ABCC8: variants seen among roughly 807,000 people sequenced by gnomAD.
ABCC8 encodes the protein ATP binding cassette subfamily C member 8.
Under a neutral mutation model 188.0 loss-of-function variants are expected in ABCC8, and 137 were observed. That is an observed-to-expected ratio of 0.73 (90% CI 0.63 to 0.84). The LOEUF (loss-of-function observed/expected upper bound fraction) is 0.84. Ranked by LOEUF, ABCC8 falls within the 40% of genes least tolerant of loss-of-function variation. The pLI is 0.00. For missense variants in ABCC8, 1,750 were observed against 2,072.7 expected (o/e 0.84, Z 3.02); for synonymous variants, 797 against 846.5 (o/e 0.94, Z 1.01).
In ABCC8 at chr11:17,448,767, G is replaced by C. The variant is rs1372455211; in HGVS notation, c.1177-96C>G. The C allele has an allele frequency of 3.1e-6, 5 of 1,603,538 alleles. No homozygotes were observed. The South Asian group carries it at 5.5e-5, about 18-fold the overall frequency. ...GTTACAGTGTGCCAGGGGCTTCTCAGACAGTCCCCATGGTGCCCTAGAGCA... is the reference window on the plus strand; with the variant it reads ...GTTACAGTGTGCCAGGGGCTTCTCACACAGTCCCCATGGTGCCCTAGAGCA... On this transcript the variant is annotated intron_variant, in intron 7 of 38. Coordinates refer to ENST00000389817, the MANE Select transcript of ABCC8 (RefSeq NM_000352.6).
chr11:17,467,042 C>CCACA (rs569546580), intron 3 of ABCC8, among the ~76,000 whole-genome samples: 23,214 of 132,170 alleles, frequency 0.18, 2,185 homozygotes, highest in South Asian at 0.24. Flanking sequence ...ACATGTTAAA[C>CCACA]CACACACACA....
Position 17,392,888 on chromosome 11 carries a change from G to T in ABCC8, c.*103C>A. 2 of 1,419,670 alleles carry T rather than the reference G, an allele frequency of 1.4e-6. No individual in the cohort carries two copies. The highest frequency in any genetic ancestry group is 2.0e-6 in the Non-Finnish European group (2 of 1,015,000). The allele number at this position is 1,419,670 out of a possible 1,614,324, so 87.9% of individuals were successfully genotyped here. On this transcript the variant is annotated 3_prime_UTR_variant, in exon 39 of 39. Coordinates refer to ENST00000389817, the MANE Select transcript of ABCC8 (RefSeq NM_000352.6). ...CCACCAGACTTAGGGCCTCTAGTAG[G>T]AAATAATCAAATCTATTTATTTACA...
At chr11:17,455,547 C>G (rs563338345) in intron 6 of ABCC8, among the ~76,000 whole-genome samples, 7 of 152,258 alleles carry the variant, frequency 4.6e-5, no homozygotes, top group Admixed American at 4.6e-4. Context: ...AAATAAAAAT[C>G]TCACTGCAGC....
In ABCC8 at chr11:17,460,680, C is replaced by T. The variant is rs1296100846; in HGVS notation, c.823-4G>A. ...GAGTGCCCTGAATGTCCTTCCGCTG[C>T]CCAGAGAGACCATGGCCAGGTCAGA... On this transcript the variant is annotated splice_region_variant and splice_polypyrimidine_tract_variant and intron_variant, in intron 5 of 38. Transcript: ENST00000389817. The T allele has an allele frequency of 1.2e-6, 2 of 1,606,688 alleles. No homozygotes were observed. The highest frequency in any genetic ancestry group is 1.7e-6 in the Non-Finnish European group (2 of 1,179,984).
intron 22 of ABCC8, among the ~76,000 whole-genome samples, chr11:17,410,087 A>G (rs1371298759): frequency 6.6e-6 from 1 of 152,042 alleles, no homozygotes; most frequent in Non-Finnish European, 1.5e-5. Flanking sequence ...GTTTGGTTCC[A>G]TATTTCCCAT....
intron 8 of ABCC8, among the ~76,000 whole-genome samples, chr11:17,447,324 A>G (rs1411104197): frequency 6.6e-6 from 1 of 152,202 alleles, no homozygotes; most frequent in African/African-American, 2.4e-5. Context: ...GGTCAGATCA[A>G]TCATGCTGAC....
intron 16 of ABCC8, among the ~76,000 whole-genome samples, chr11:17,424,322 T>C (rs1283804814): frequency 6.6e-6 from 1 of 151,988 alleles, no homozygotes. Flanking sequence ...GAACCTAAAA[T>C]AAAATAAAAA....
chr11:17,443,253 T>C lies in ABCC8; in HGVS notation c.1392A>G (p.Ala464=), dbSNP rs781312990. The C allele has an allele frequency of 5.0e-6, 8 of 1,614,000 alleles. No homozygotes were observed. The highest frequency in any genetic ancestry group is 1.7e-5 in the Admixed American group (1 of 60,004). The part of the protein sequence containing the change: ...YILGVSALIG[A]AVIILLAPVQ... Reference sequence around the variant, plus strand: ...CAGGAGCCAGTAGAATGATGACAGCTGCTCCAATTAAGGCACTGACTCCGA... The same window carrying C: ...CAGGAGCCAGTAGAATGATGACAGCCGCTCCAATTAAGGCACTGACTCCGA... Residue 464 remains alanine, a synonymous_variant, in exon 9 of 39, where the codon GCA becomes GCG. Transcript: ENST00000389817.
At chr11:17,433,690 C>T (rs1955951552) in intron 10 of ABCC8, among the ~76,000 whole-genome samples, 1 of 152,220 alleles carries the variant, frequency 6.6e-6, no homozygotes, top group African/African-American at 2.4e-5. Context: ...GACATTGTCC[C>T]CATCCTCGGG....
chr11:17,394,166 A>G (rs1953779576), intron 37 of ABCC8, 100 bp downstream of exon 37: 3 of 1,438,816 alleles, frequency 2.1e-6, no homozygotes, highest in Non-Finnish European at 2.9e-6. Context: ...TTGATGTTAG[A>G]GGCAACTTGA....
At position 17,405,756 on chromosome 11, in the gene ABCC8, C is replaced by T. The variant is rs972708528; in HGVS notation, c.3330-193G>A. On this transcript the variant is annotated intron_variant, in intron 26 of 38. Transcript: ENST00000389817. ...GCTGCCCAAAGGGGCGCTGGCCTTT[C>T]GTTAGCCTTTCAGTTTCTCAAGCCC... is the stretch of plus-strand genomic sequence containing the variant. The T allele has an allele frequency of 1.2e-4, 81 of 676,812 alleles. No homozygotes were observed. In the African/African-American group the frequency reaches 1.4e-3, roughly 12 times the overall value. The allele number at this position is 676,812 out of a possible 1,614,324, so 41.9% of individuals were successfully genotyped here.
chr11:17,414,646 G>A lies in ABCC8; in HGVS notation c.2292-36C>T, dbSNP rs1800851. Reference sequence around the variant, plus strand: ...CAGGGCGGGAGTAGGGGGTGCGGAAGGCATTCTCAGGGGCTTGTTCTCAGA... The same window carrying A: ...CAGGGCGGGAGTAGGGGGTGCGGAAAGCATTCTCAGGGGCTTGTTCTCAGA... On this transcript the variant is annotated intron_variant, in intron 18 of 38. Coordinates refer to ENST00000389817, the MANE Select transcript of ABCC8 (RefSeq NM_000352.6). 264,227 of 1,612,642 alleles carry A rather than the reference G, an allele frequency of 0.16. 24,191 individuals are homozygous for A. Among genetic ancestry groups the A allele is most frequent in the South Asian group, 0.34 (30,741 of 91,038 alleles).
intron 17 of ABCC8, among the ~76,000 whole-genome samples, chr11:17,415,886 C>T (rs375848306): frequency 1.1e-4 from 16 of 152,194 alleles, no homozygotes; most frequent in South Asian, 4.1e-4. Context: ...AAGACAACCA[C>T]GGAATGTGGG....
intron 3 of ABCC8, among the ~76,000 whole-genome samples, chr11:17,469,078 C>G: frequency 8.1e-6 from 1 of 123,750 alleles, no homozygotes; most frequent in Non-Finnish European, 1.7e-5. Context: ...CCCTTCCCTC[C>G]CTCCCTCCTT....
intron 16 of ABCC8, among the ~76,000 whole-genome samples, chr11:17,422,719 C>T (rs913636210): frequency 1.6e-4 from 25 of 152,312 alleles, no homozygotes; most frequent in Non-Finnish European, 3.2e-4. Flanking sequence ...TTATCACAAG[C>T]ATGGTTCTTT....
Position 17,400,015 on chromosome 11 carries a change from G to A in ABCC8, c.3651-1574C>T, listed in dbSNP as rs556818752. ...CAGGAGCACTTGTTTGATGATGGAG[G>A]AAGGAACGAAAGAAAAGCTGCCTCA... is the stretch of plus-strand genomic sequence containing the variant. On this transcript the variant is annotated intron_variant, in intron 29 of 38. Coordinates refer to ENST00000389817, the MANE Select transcript of ABCC8 (RefSeq NM_000352.6). Among the ~76,000 whole-genome samples the A allele has an allele frequency of 4.6e-5, 7 of 152,344 alleles. No homozygotes were observed. The South Asian group carries it at 1.4e-3, about 32-fold the overall frequency.
At chr11:17,444,999 A>G (rs1956468581) in intron 8 of ABCC8, among the ~76,000 whole-genome samples, 1 of 152,212 alleles carries the variant, frequency 6.6e-6, no homozygotes, top group Admixed American at 6.5e-5. Context: ...CTCTCAGAAA[A>G]TAAATGAAAA....
At chr11:17,407,158 C>T (rs1433118846) in intron 24 of ABCC8, 29 bp from the exon 25 acceptor site, 1 of 1,603,764 alleles carries the variant, frequency 6.2e-7, no homozygotes, top group Admixed American at 1.7e-5. Flanking sequence ...CACTCTGTGG[C>T]TACACATTTC....
In ABCC8 at chr11:17,450,371, CCTTT is replaced by C. The variant is rs1956755172; in HGVS notation, c.1177-1704_1177-1701del. ...TTTCTTTCTTTCCTTCCTTTCCTTT[CCTTT>C]CTTTCCTTTCCTTTCCTTCTTTCTT... On this transcript the variant is annotated intron_variant, in intron 7 of 38. Coordinates refer to ENST00000389817, the MANE Select transcript of ABCC8 (RefSeq NM_000352.6). 1.1e-4 allele frequency among the ~76,000 whole-genome samples: 6 copies of C among 55,596 alleles called. No individual in the cohort carries two copies. The South Asian group carries it at 2.1e-3, about 20-fold the overall frequency. 36.5% of individuals were successfully genotyped at this position (55,596 alleles called of 152,430 possible).
Sources: allele counts gnomAD v4.1 joint callset (sites outside exome capture counted in the v4.1 genomes callset), GRCh38; gene constraint gnomAD v4.1.1; transcripts MANE v1.5; gene names NCBI Gene and HGNC (gene_info 2026-07-23, HGNC 2026-07-21).